Variants in ADAMTS3 observed in about 807,000 individuals in gnomAD.
ADAMTS3 encodes the protein A disintegrin and metalloproteinase with thrombospondin motifs 3.
Under a neutral mutation model 129.0 loss-of-function variants are expected in ADAMTS3, and 73 were observed. That is an observed-to-expected ratio of 0.57 (90% CI 0.47 to 0.69). The LOEUF is 0.69. Among genes scored for constraint, ADAMTS3 ranks in the 30% least tolerant of loss-of-function variants. The pLI is 0.00. For missense variants in ADAMTS3, 1,457 were observed against 1,514.5 expected, an observed-to-expected ratio of 0.96 and a Z score of 0.63; for synonymous variants, 477 against 510.8, an observed-to-expected ratio of 0.93 and a Z score of 0.89.
intron 5 of ADAMTS3, among the ~76,000 whole-genome samples, chr4:72,335,825 CTTGTT>C (rs141296985): frequency 1.0e-3 from 158 of 152,234 alleles, no homozygotes; most frequent in African/African-American, 3.7e-3. Context: ...TCTATTTCCT[CTTGTT>C]TTGAGTCCAA....
intron 4 of ADAMTS3, among the ~76,000 whole-genome samples, chr4:72,399,740 G>A (rs1452636322): frequency 1.4e-5 from 2 of 145,766 alleles, no homozygotes; most frequent in Non-Finnish European, 3.0e-5. Flanking sequence ...ATACACACAC[G>A]GTGTGTACGC....
chr4:72,388,176 C>T (rs2109888803), intron 4 of ADAMTS3, among the ~76,000 whole-genome samples: 1 of 152,294 alleles, frequency 6.6e-6, no homozygotes, highest in South Asian at 2.1e-4. Context: ...GACACAACCG[C>T]AAGGCTTGGA....
intron 3 of ADAMTS3, among the ~76,000 whole-genome samples, chr4:72,522,941 A>G (rs1720711841): frequency 6.6e-6 from 1 of 152,156 alleles, no homozygotes; most frequent in South Asian, 2.1e-4. Flanking sequence ...TTTCAGTCAT[A>G]AAAACATAAA....
rs183292920 is a variant in ADAMTS3, at chr4:72,284,195, A to C, written c.3050-491T>G. ...TTACAAAGGTATTCTCCAAAGAATA[A>C]TCAAAATACCATCTTGATTTAAAAA... is the stretch of plus-strand genomic sequence containing the variant. On this transcript the variant is annotated intron_variant, in intron 21 of 21. Coordinates refer to ENST00000286657, the MANE Select transcript of ADAMTS3 (RefSeq NM_014243.3). Among the ~76,000 whole-genome samples, 6 of 152,356 alleles carry C rather than the reference A, an allele frequency of 3.9e-5. No individual in the cohort carries two copies. In the East Asian group the frequency reaches 5.8e-4, roughly 15 times the overall value.
At chr4:72,512,106 C>T (rs1317999264) in intron 3 of ADAMTS3, among the ~76,000 whole-genome samples, 1 of 152,044 alleles carries the variant, frequency 6.6e-6, no homozygotes. Flanking sequence ...GGATGGTTAC[C>T]AGAGGCTGGG....
At chr4:72,438,552 T>G (rs763095327) in intron 3 of ADAMTS3, among the ~76,000 whole-genome samples, 1 of 151,760 alleles carries the variant, frequency 6.6e-6, no homozygotes. Context: ...TAGAAGACAG[T>G]TGGGTTCTCC....
intron 3 of ADAMTS3, among the ~76,000 whole-genome samples, chr4:72,538,403 A>G (rs1477514785): frequency 6.6e-6 from 1 of 152,190 alleles, no homozygotes; most frequent in Non-Finnish European, 1.5e-5. Context: ...GAAGTGATTC[A>G]TCACATTACA....
At position 72,298,434 on chromosome 4, in the gene ADAMTS3, A is replaced by C. The variant is rs1399128351; in HGVS notation, c.2433T>G (p.Pro811=). ...LHDPVIVLII[P]QENDTRSSLT... is the part of the protein sequence containing the mutation. ...GGCTAGAGCGGGTATCATTTTCTTG[A>C]GGTATAATCTAACATACACATGAAA... Residue 811 remains proline (P), a synonymous_variant, in exon 18 of 22, where the codon CCT becomes CCG. Transcript: ENST00000286657. 1.2e-6 allele frequency: 2 copies of C among 1,601,870 alleles called. No individual in the cohort carries two copies. Among genetic ancestry groups the C allele is most frequent in the East Asian group, 2.2e-5 (1 of 44,736 alleles).
intron 5 of ADAMTS3, among the ~76,000 whole-genome samples, chr4:72,328,590 C>T (rs1434319208): frequency 6.6e-6 from 1 of 152,094 alleles, no homozygotes; most frequent in South Asian, 2.1e-4. Context: ...CCTCAGTTTC[C>T]TCACCTGTAA....
At chr4:72,355,894 C>T (rs1165934605) in intron 4 of ADAMTS3, among the ~76,000 whole-genome samples, 3 of 151,974 alleles carry the variant, frequency 2.0e-5, no homozygotes, top group African/African-American at 7.2e-5. Context: ...TCATACTAGG[C>T]TTATGATTTG....
chr4:72,486,962 A>C (rs946958267), intron 3 of ADAMTS3, among the ~76,000 whole-genome samples: 3 of 152,186 alleles, frequency 2.0e-5, no homozygotes, highest in Non-Finnish European at 4.4e-5. Context: ...CATGAAAACT[A>C]TGCACATCCT....
intron 5 of ADAMTS3, among the ~76,000 whole-genome samples, chr4:72,333,126 T>C (rs1719893096): frequency 6.6e-6 from 1 of 152,166 alleles, no homozygotes; most frequent in Admixed American, 6.5e-5. Context: ...AGTTGGAAAG[T>C]ATTAAATAAT....
chr4:72,547,170 C>T (rs1426187194), intron 3 of ADAMTS3, among the ~76,000 whole-genome samples: 1 of 152,088 alleles, frequency 6.6e-6, no homozygotes, highest in African/African-American at 2.4e-5. Flanking sequence ...GGGGACGATT[C>T]TATGATTGAA....
intron 4 of ADAMTS3, among the ~76,000 whole-genome samples, chr4:72,389,508 TAAATTA>T (rs1721529695): frequency 1.3e-5 from 2 of 150,160 alleles, no homozygotes. Flanking sequence ...ATGTTTCATT[TAAATTA>T]AAAGATGAAA....
Position 72,315,925 on chromosome 4 carries a change from T to A in ADAMTS3, c.1532A>T (p.Asp511Val), listed in dbSNP as rs1422799392. 9 of 1,613,700 alleles carry A rather than the reference T, an allele frequency of 5.6e-6. No homozygotes were observed. The highest frequency in any genetic ancestry group is 2.2e-5 in the South Asian group (2 of 91,038). Residue 511 changes from aspartate (D) to valine (V), a missense_variant, in exon 11 of 22, where the codon GAT becomes GTT. Physicochemically the swap from Asp to Val is radical, Grantham distance 152. Coordinates refer to ENST00000286657, the MANE Select transcript of ADAMTS3 (RefSeq NM_014243.3). ...PCKQLWCSHPDNPYFCKTKKG... is the reference protein window; with the variant it reads ...PCKQLWCSHPVNPYFCKTKKG... ...TTTAGTCTTACAAAAGTAGGGATTA[T>A]CAGGATGGCTACACCACAGCTGTTT...
chr4:72,305,952 A>G, intron 16 of ADAMTS3, 35 bp downstream of exon 16: 1 of 1,535,536 alleles, frequency 6.5e-7, no homozygotes, highest in Non-Finnish European at 9.0e-7. Flanking sequence ...GTTTCAGTGC[A>G]TGTTAAAGCA....
At chr4:72,372,230 T>G (rs1434829989) in intron 4 of ADAMTS3, among the ~76,000 whole-genome samples, 3 of 151,968 alleles carry the variant, frequency 2.0e-5, no homozygotes, top group African/African-American at 7.2e-5. Flanking sequence ...GCCATTAAAC[T>G]AGATGAAGTA....
chr4:72,399,814 G>A (rs1156708367), intron 4 of ADAMTS3, among the ~76,000 whole-genome samples: 1 of 132,476 alleles, frequency 7.5e-6, no homozygotes, highest in Non-Finnish European at 1.6e-5. Flanking sequence ...ATACACACAC[G>A]GTGTGTATAT....
intron 3 of ADAMTS3, among the ~76,000 whole-genome samples, chr4:72,517,359 T>G (rs1182451999): frequency 6.6e-6 from 1 of 152,208 alleles, no homozygotes; most frequent in Non-Finnish European, 1.5e-5. Flanking sequence ...ATAAAATGAG[T>G]TAGGGAGGAT....
Sources: allele counts gnomAD v4.1 joint callset (sites outside exome capture counted in the v4.1 genomes callset), GRCh38; gene constraint gnomAD v4.1.1; transcripts MANE v1.5; gene names NCBI Gene and HGNC (gene_info 2026-07-23, HGNC 2026-07-21).